The following CELF2 variants were observed in gnomAD, a reference collection of about 807,000 sequenced individuals.
The protein encoded by CELF2 is CUGBP Elav-like family member 2.
Under a neutral mutation model 62.6 loss-of-function variants are expected in CELF2, and 8 were observed. The observed-to-expected ratio is 0.13, with a 90% CI of 0.07 to 0.23. The LOEUF is 0.23. Ranked by LOEUF, CELF2 falls within the 10% of genes least tolerant of loss-of-function variation. The probability of loss-of-function intolerance (pLI) is 1.00; values close to 1 mark genes in which losing one functional copy is unlikely to be tolerated. For synonymous variants in CELF2, 258 were observed against 250.0 expected, an observed-to-expected ratio of 1.03 and a Z score of -0.30; for missense variants, 333 against 671.0, an observed-to-expected ratio of 0.50 and a Z score of 5.56.
At chr10:10,647,860 T>G in the CELF2 span, among the ~76,000 whole-genome samples, 1 of 152,272 alleles carries the variant, frequency 6.6e-6, no homozygotes, top group South Asian at 2.1e-4. Context: ...TAGAAAACAC[T>G]AGTTTGCCAT....
chr10:10,697,868 C>G, the CELF2 span, among the ~76,000 whole-genome samples: 4 of 152,196 alleles, frequency 2.6e-5, no homozygotes, highest in African/African-American at 9.6e-5. Context: ...TTTCAGCTCA[C>G]TGCAGCCTGC....
Position 11,254,827 on chromosome 10 carries a change from C to T in CELF2, c.404-2911C>T, listed in dbSNP as rs567784356. Among the ~76,000 whole-genome samples, 36 of 152,190 alleles carry T rather than the reference C, an allele frequency of 2.4e-4. No homozygotes were observed. The South Asian group carries it at 7.3e-3, about 31-fold the overall frequency. ...CATAGTTTGCTGGGGGTAGGAGTCTCGGAGACGAGAGGGAAGGAGGAGTCC... is the reference window on the plus strand; with the variant it reads ...CATAGTTTGCTGGGGGTAGGAGTCTTGGAGACGAGAGGGAAGGAGGAGTCC... On this transcript the variant is annotated intron_variant, in intron 4 of 12. Coordinates refer to ENST00000633077, the MANE Select transcript of CELF2 (RefSeq NM_001326342.2).
chr10:11,298,312 C>A (rs2093393582), intron 9 of CELF2, among the ~76,000 whole-genome samples: 1 of 152,210 alleles, frequency 6.6e-6, no homozygotes, highest in African/African-American at 2.4e-5. Flanking sequence ...CGACCTGGTA[C>A]TAGCACACAA....
chr10:11,270,437 A>C lies in CELF2; in HGVS notation c.619-229A>C, dbSNP rs1184307954. Among the ~76,000 whole-genome samples the C allele has an allele frequency of 2.0e-5, 3 of 152,200 alleles. No individual in the cohort carries two copies. Among genetic ancestry groups the C allele is most frequent in the Non-Finnish European group, 4.4e-5 (3 of 68,030 alleles). On this transcript the variant is annotated intron_variant, in intron 6 of 12. Transcript: ENST00000633077. The surrounding 1 kb of genome is among the most constrained non-coding windows in gnomAD (Gnocchi z 5.8). Reference sequence around the variant, plus strand: ...CAGTTACTAATCAGAGCAAGAAAGCAAGTGACTTCACCGACCACCAGATCC... The same window carrying C: ...CAGTTACTAATCAGAGCAAGAAAGCCAGTGACTTCACCGACCACCAGATCC...
At chr10:10,699,837 A>G in the CELF2 span, among the ~76,000 whole-genome samples, 231 of 152,304 alleles carry the variant, frequency 1.5e-3, 1 homozygote, top group Non-Finnish European at 2.7e-3. Context: ...TGTTTCCTGA[A>G]TGATGTCTCT....
At chr10:11,175,104 G>C (rs894242974) in intron 2 of CELF2, among the ~76,000 whole-genome samples, 2 of 151,760 alleles carry the variant, frequency 1.3e-5, no homozygotes, top group African/African-American at 4.9e-5. Context: ...TGATGCACCA[G>C]ACACCAAGTG....
rs529369264 is a variant in CELF2 at position 11,144,992 on chromosome 10, G to A, written c.75-20494G>A. Among the ~76,000 whole-genome samples, 11 of 150,176 alleles carry A rather than the reference G, an allele frequency of 7.3e-5. No individual in the cohort carries two copies. In the East Asian group the frequency reaches 2.0e-3, roughly 27 times the overall value. ...ATATGCGAAGCTGTAAGACTTTCTT[G>A]TTTATTTCTGTGTCGAAGGCAAGGC... On this transcript the variant is annotated intron_variant, in intron 1 of 12. Transcript: ENST00000633077.
chr10:11,193,185 T>C (rs572797750), intron 2 of CELF2, among the ~76,000 whole-genome samples: 191 of 152,280 alleles, frequency 1.3e-3, no homozygotes, highest in Non-Finnish European at 2.4e-3. Flanking sequence ...GTCCTTCCTT[T>C]GGAGAGCTGG....
At chr10:11,201,281 C>T (rs773622678) in intron 2 of CELF2, among the ~76,000 whole-genome samples, 24 of 152,128 alleles carry the variant, frequency 1.6e-4, no homozygotes, top group Admixed American at 2.6e-4. Flanking sequence ...TCAGTATTTT[C>T]GCAGACCCAA....
chr10:11,167,775 A>G (rs1197562718), intron 2 of CELF2, among the ~76,000 whole-genome samples: 2 of 152,214 alleles, frequency 1.3e-5, no homozygotes, highest in Non-Finnish European at 1.5e-5. Flanking sequence ...AGCACGTGCT[A>G]TGTATCTCAG....
chr10:10,704,703 C>T, the CELF2 span, among the ~76,000 whole-genome samples: 9 of 152,074 alleles, frequency 5.9e-5, no homozygotes, highest in Non-Finnish European at 1.2e-4. Flanking sequence ...TGCTTCCTCC[C>T]TCATCTCGCT....
chr10:11,173,446 AC>A (rs1410668963), intron 2 of CELF2, among the ~76,000 whole-genome samples: 2 of 152,190 alleles, frequency 1.3e-5, no homozygotes, highest in African/African-American at 4.8e-5. Context: ...TTTAAAATTA[AC>A]CATAGTTAAG....
the CELF2 span, among the ~76,000 whole-genome samples, chr10:10,729,890 T>C: frequency 2.4e-4 from 37 of 152,326 alleles, no homozygotes; most frequent in Middle Eastern, 0.01. Flanking sequence ...AACCTGTGTA[T>C]GACTCCTAAG....
the CELF2 span, among the ~76,000 whole-genome samples, chr10:10,789,880 T>G: frequency 4.6e-5 from 7 of 152,144 alleles, no homozygotes; most frequent in Non-Finnish European, 1.0e-4. Flanking sequence ...TTATATATGA[T>G]GTTTTTGATA....
the CELF2 span, among the ~76,000 whole-genome samples, chr10:10,667,781 A>T: frequency 3.2e-4 from 49 of 152,298 alleles, no homozygotes; most frequent in South Asian, 0.01. Flanking sequence ...AAATAAACCG[A>T]GCCCTTCCAC....
chr10:10,695,624 C>A, the CELF2 span, among the ~76,000 whole-genome samples: 1 of 151,946 alleles, frequency 6.6e-6, no homozygotes, highest in South Asian at 2.1e-4. Context: ...TTCCATTCTC[C>A]CAATCACTTT....
chr10:10,697,937 C>T, the CELF2 span, among the ~76,000 whole-genome samples: 2 of 152,166 alleles, frequency 1.3e-5, no homozygotes, highest in Non-Finnish European at 2.9e-5. Context: ...GGATTACAGG[C>T]ATGTGCCACT....
intron 1 of CELF2, among the ~76,000 whole-genome samples, chr10:11,148,031 T>C (rs2062596959): frequency 6.6e-6 from 1 of 152,224 alleles, no homozygotes; most frequent in Non-Finnish European, 1.5e-5. Context: ...TACATTAAAG[T>C]ACGAGAGCGC....
the CELF2 span, among the ~76,000 whole-genome samples, chr10:10,733,614 G>T: frequency 6.0e-4 from 91 of 152,078 alleles, no homozygotes; most frequent in Middle Eastern, 3.4e-3. Flanking sequence ...GCATGGCTTG[G>T]GGGGGCCTCA....
Sources: gnomAD v4.1 joint callset for allele counts (sites outside exome capture counted in the v4.1 genomes callset) on GRCh38, gnomAD v4.1.1 for gene constraint, Gnocchi (gnomAD v3.1) non-coding constraint, MANE v1.5 for transcripts, NCBI Gene and HGNC (gene_info 2026-07-23, HGNC 2026-07-21) for gene names.